IGF2BP3: variants seen among roughly 807,000 people sequenced by gnomAD.
IGF2BP3 encodes the protein insulin like growth factor 2 mRNA binding protein 3.
In IGF2BP3, 9 loss-of-function variants were observed where a neutral mutation model predicts 73.8. That is an observed-to-expected ratio of 0.12 (90% CI 0.07 to 0.21). The LOEUF is 0.21. IGF2BP3 is among the 10% of genes least tolerant of loss of function. The pLI, the probability that IGF2BP3 is intolerant of heterozygous loss-of-function variation, is 1.00. For synonymous variants in IGF2BP3, 258 were observed against 256.7 expected, an observed-to-expected ratio of 1.01 and a Z score of -0.05; for missense variants, 542 against 714.0, an observed-to-expected ratio of 0.76 and a Z score of 2.75.
At chr7:23,398,409 A>G (rs1471351380) in intron 3 of IGF2BP3, among the ~76,000 whole-genome samples, 2 of 152,168 alleles carry the variant, frequency 1.3e-5, no homozygotes, top group East Asian at 1.9e-4. Flanking sequence ...ATGATTTATA[A>G]TCCTTTGGGT....
Position 23,310,923 on chromosome 7 carries a change from G to C in IGF2BP3, c.*1439C>G, listed in dbSNP as rs1783809276. On this transcript the variant is annotated 3_prime_UTR_variant, in exon 15 of 15. Coordinates refer to ENST00000258729, the MANE Select transcript of IGF2BP3 (RefSeq NM_006547.3). ...GAGACCACCCACACCCAACACAATTGTACGTACTGGGCTTTGCTGTCAAGG... is the reference window on the plus strand; with the variant it reads ...GAGACCACCCACACCCAACACAATTCTACGTACTGGGCTTTGCTGTCAAGG... The C allele has an allele frequency of 1.3e-5, 2 of 152,060 alleles. No homozygotes were observed. The highest frequency in any genetic ancestry group is 1.3e-4 in the Admixed American group (2 of 15,274). 9.4% of individuals were successfully genotyped at this position (152,060 alleles called of 1,614,324 possible). A position where few individuals can be genotyped will look rare whatever the true frequency, so the allele number is the denominator to read the frequency against.
In IGF2BP3 at chr7:23,364,094, C is replaced by T. The variant is rs542921324; in HGVS notation, c.286-2353G>A. 1.1e-4 allele frequency among the ~76,000 whole-genome samples: 17 copies of T among 151,834 alleles called. No homozygotes were observed. The South Asian group carries it at 3.3e-3, about 30-fold the overall frequency. On this transcript the variant is annotated intron_variant, in intron 3 of 14. Coordinates refer to ENST00000258729, the MANE Select transcript of IGF2BP3 (RefSeq NM_006547.3). ...TCTCTATTAAAAATACAAAAATATT[C>T]GCAGGGCGCGGTGGCTCACGCCTGT...
chr7:23,386,317 T>C (rs1786080495), intron 3 of IGF2BP3, among the ~76,000 whole-genome samples: 2 of 152,102 alleles, frequency 1.3e-5, no homozygotes, highest in Non-Finnish European at 2.9e-5. Context: ...CAAAGCTCCT[T>C]AGACAAATAG....
rs115160718 is a variant in IGF2BP3 at position 23,366,581 on chromosome 7, A to C, written c.286-4840T>G. On this transcript the variant is annotated intron_variant, in intron 3 of 14. Transcript: ENST00000258729. ...AGAAAAAAAAAAAAAAACCACAAGC[A>C]AAAAAACCCCTCTAATCCTTAGAAG... 5.6e-3 allele frequency among the ~76,000 whole-genome samples: 846 copies of C among 151,904 alleles called. 3 individuals are homozygous for C. Among genetic ancestry groups the C allele is most frequent in the African/African-American group, 0.02 (816 of 41,464 alleles).
At chr7:23,415,439 C>G (rs1584016960) in intron 3 of IGF2BP3, 1 of 196,148 alleles carries the variant, frequency 5.1e-6, no homozygotes, top group Non-Finnish European at 1.1e-5. Context: ...GCCGGCATCA[C>G]CGCATCCGCA....
rs180848781 is a variant in IGF2BP3 at position 23,460,276 on chromosome 7, C to T, written c.236+8206G>A. The stretch of plus-strand genomic sequence containing the variant: ...GATCAACTGGCCAGGAGCGGTAGTC[C>T]CAGCACTTTGGGAGGCTGAGGTGGG... On this transcript the variant is annotated intron_variant, in intron 2 of 14. Transcript: ENST00000258729. Among the ~76,000 whole-genome samples the T allele has an allele frequency of 1.7e-4, 26 of 151,286 alleles. No homozygotes were observed. The East Asian group carries it at 4.9e-3, about 28-fold the overall frequency.
chr7:23,334,357 ACTAAAATAAGC>A (rs1784519262), intron 10 of IGF2BP3, among the ~76,000 whole-genome samples: 1 of 152,144 alleles, frequency 6.6e-6, no homozygotes, highest in African/African-American at 2.4e-5. Flanking sequence ...AGAAATCGAG[ACTAAAATAAGC>A]CTATGCTAGA....
At chr7:23,455,226 A>G (rs1788288948) in intron 2 of IGF2BP3, among the ~76,000 whole-genome samples, 1 of 152,204 alleles carries the variant, frequency 6.6e-6, no homozygotes, top group Non-Finnish European at 1.5e-5. Flanking sequence ...TCCATCACGC[A>G]CGCAGGCTGC....
At chr7:23,452,392 G>T (rs763229486) in intron 2 of IGF2BP3, among the ~76,000 whole-genome samples, 7 of 152,016 alleles carry the variant, frequency 4.6e-5, no homozygotes, top group Non-Finnish European at 1.0e-4. Context: ...ATGTCTTTTT[G>T]CCAAGTATGT....
intron 5 of IGF2BP3, among the ~76,000 whole-genome samples, chr7:23,354,488 C>T (rs951865112): frequency 2.6e-5 from 4 of 152,058 alleles, no homozygotes; most frequent in Admixed American, 2.0e-4. Flanking sequence ...ATTAATGTTA[C>T]AAAAATGGTA....
At chr7:23,330,367 A>C (rs1784414205) in intron 10 of IGF2BP3, among the ~76,000 whole-genome samples, 1 of 150,164 alleles carries the variant, frequency 6.7e-6, no homozygotes, top group Non-Finnish European at 1.5e-5. Context: ...ATTTCTCTAG[A>C]GCTGTCAAAA....
chr7:23,411,852 G>A (rs904040855), intron 3 of IGF2BP3, among the ~76,000 whole-genome samples: 3 of 151,954 alleles, frequency 2.0e-5, no homozygotes, highest in Non-Finnish European at 2.9e-5. Context: ...GTTCATCCAC[G>A]GCTTACAGTG....
chr7:23,326,802 T>A (rs1021070105), intron 10 of IGF2BP3, among the ~76,000 whole-genome samples: 2,473 of 142,504 alleles, frequency 0.017, 72 homozygotes, highest in African/African-American at 0.062. Context: ...TCATTCTCAG[T>A]AAACTATCGC....
At chr7:23,432,380 G>A (rs1478378081) in intron 2 of IGF2BP3, among the ~76,000 whole-genome samples, 1 of 152,076 alleles carries the variant, frequency 6.6e-6, no homozygotes, top group Non-Finnish European at 1.5e-5. Context: ...ACTTCCTTAG[G>A]ACATGTGCAA....
chr7:23,329,929 A>G lies in IGF2BP3; in HGVS notation c.1204-10675T>C, dbSNP rs974192851. Among the ~76,000 whole-genome samples, 4 of 152,318 alleles carry G rather than the reference A, an allele frequency of 2.6e-5. No individual in the cohort carries two copies. The East Asian group carries it at 7.7e-4, about 29-fold the overall frequency. ...CCACGATTCAAACCTGGGTTTCTCT[A>G]TCTCCTAAGCCAGATTCATAAACCA... On this transcript the variant is annotated intron_variant, in intron 10 of 14. Transcript: ENST00000258729.
intron 12 of IGF2BP3, among the ~76,000 whole-genome samples, chr7:23,314,504 G>T (rs766675871): frequency 8.6e-5 from 13 of 151,676 alleles, no homozygotes; most frequent in Non-Finnish European, 1.3e-4. Flanking sequence ...AGAGATGGGG[G>T]TCTTGCTATG....
intron 3 of IGF2BP3, among the ~76,000 whole-genome samples, chr7:23,407,887 A>G (rs1164239073): frequency 7.0e-6 from 1 of 142,952 alleles, no homozygotes; most frequent in Admixed American, 7.3e-5. Context: ...AGAATAAAAT[A>G]CCACAATAAA....
At chr7:23,409,651 T>A (rs1294562464) in intron 3 of IGF2BP3, among the ~76,000 whole-genome samples, 4 of 152,166 alleles carry the variant, frequency 2.6e-5, no homozygotes, top group Non-Finnish European at 5.9e-5. Flanking sequence ...GAACAATATT[T>A]TCAATTTTTG....
intron 2 of IGF2BP3, among the ~76,000 whole-genome samples, chr7:23,439,334 T>C (rs923706980): frequency 9.2e-5 from 14 of 151,404 alleles, no homozygotes; most frequent in Non-Finnish European, 5.9e-5. Context: ...GGGCAGATCA[T>C]GAAGTCAGGA....
Sources: gnomAD v4.1 joint callset for allele counts (sites outside exome capture counted in the v4.1 genomes callset) on GRCh38, gnomAD v4.1.1 for gene constraint, MANE v1.5 for transcripts, NCBI Gene and HGNC (gene_info 2026-07-23, HGNC 2026-07-21) for gene names.